CNTN1: variants seen among roughly 807,000 people sequenced by gnomAD.
CNTN1 encodes the protein contactin-1.
A neutral mutation model predicts 126.4 loss-of-function variants in CNTN1; 38 were observed. The observed-to-expected ratio is 0.30, with a 90% CI of 0.23 to 0.39. The LOEUF (loss-of-function observed/expected upper bound fraction) is 0.39. CNTN1 is among the 10% of genes least tolerant of loss of function. CNTN1 has a pLI of 1.00. For synonymous variants in CNTN1, 413 were observed against 422.6 expected (o/e 0.98, Z 0.28); for missense variants, 1,009 against 1,248.4 (o/e 0.81, Z 2.89).
chr12:40,922,278 G>A lies in CNTN1; in HGVS notation c.250G>A (p.Val84Ile), dbSNP rs758104125. Residue 84 changes from valine (V) to isoleucine (I), a missense_variant, in exon 5 of 24, where the codon GTT becomes ATT. By Grantham distance (29) the Val-to-Ile change is conservative. Coordinates refer to ENST00000551295, the MANE Select transcript of CNTN1 (RefSeq NM_001843.4). ...VYKWRMNNGD[V>I]DLTSDRYSMV... ...TAGATGGAGAATGAATAATGGGGAC[G>A]TTGATCTCACAAGTGATCGATACAG... is the stretch of plus-strand genomic sequence containing the variant. 12 of 1,613,932 alleles carry A rather than the reference G, an allele frequency of 7.4e-6. 1 individual carries two copies. In the South Asian group the frequency reaches 9.9e-5, roughly 13 times the overall value.
chr12:40,890,759 G>T (rs1944213844), intron 1 of CNTN1, among the ~76,000 whole-genome samples: 1 of 152,184 alleles, frequency 6.6e-6, no homozygotes, highest in Admixed American at 6.5e-5. Context: ...CTCTACTAAA[G>T]GATGGGTTTC....
At chr12:40,922,516 G>A in intron 5 of CNTN1, 88 bp downstream of exon 5, 5 of 1,254,168 alleles carry the variant, frequency 4.0e-6, no homozygotes, top group Non-Finnish European at 5.8e-6. Flanking sequence ...GTGAGAGGAA[G>A]GCATCATAGA....
At chr12:41,055,740 T>A (rs896743516) in intron 23 of CNTN1, among the ~76,000 whole-genome samples, 7 of 152,114 alleles carry the variant, frequency 4.6e-5, no homozygotes, top group Admixed American at 4.6e-4. Flanking sequence ...TTTAATCACA[T>A]TTAGATGGTT....
intron 17 of CNTN1, among the ~76,000 whole-genome samples, chr12:40,997,521 A>G (rs932631909): frequency 2.6e-5 from 4 of 152,222 alleles, no homozygotes; most frequent in African/African-American, 9.6e-5. Context: ...AAAATATTTT[A>G]TAGCTGGTAA....
At chr12:40,730,060 T>A (rs1207964761) in intron 1 of CNTN1, among the ~76,000 whole-genome samples, 1 of 152,202 alleles carries the variant, frequency 6.6e-6, no homozygotes, top group Non-Finnish European at 1.5e-5. Flanking sequence ...AGAACTTGTT[T>A]TGAGTCTAAA....
chr12:40,879,060 G>A (rs1399744322), intron 1 of CNTN1, among the ~76,000 whole-genome samples: 2 of 152,122 alleles, frequency 1.3e-5, no homozygotes, highest in South Asian at 4.1e-4. Context: ...ACATATCCCA[G>A]CCTTGGTTTA....
At chr12:40,929,062 G>A (rs1278507223) in intron 6 of CNTN1, among the ~76,000 whole-genome samples, 1 of 151,760 alleles carries the variant, frequency 6.6e-6, no homozygotes, top group Non-Finnish European at 1.5e-5. Flanking sequence ...TGTATTTGTT[G>A]AATGACTCCT....
chr12:40,779,843 G>C (rs1939724246), intron 1 of CNTN1, among the ~76,000 whole-genome samples: 1 of 151,978 alleles, frequency 6.6e-6, no homozygotes, highest in South Asian at 2.1e-4. Flanking sequence ...ATTTTAGCTA[G>C]ATTATGAAAG....
At chr12:41,007,543 G>C (rs528898498) in intron 17 of CNTN1, among the ~76,000 whole-genome samples, 1 of 152,276 alleles carries the variant, frequency 6.6e-6, no homozygotes, top group South Asian at 2.1e-4. Context: ...AAGAGAAACA[G>C]TTCTCTCTCT....
Position 40,949,204 on chromosome 12 carries a change from TTTTTTG to T in CNTN1, c.1683+5040_1683+5045del, listed in dbSNP as rs771162249. On this transcript the variant is annotated intron_variant, in intron 14 of 23. Transcript: ENST00000551295. ...ATAAAACAGAAGTCAATTTGTTTTT[TTTTTTG>T]TTTTTTTACAATTTAATCTTTTATT... 1.2e-3 allele frequency among the ~76,000 whole-genome samples: 101 copies of T among 86,456 alleles called. No homozygotes were observed. In the East Asian group the frequency reaches 0.016, roughly 14 times the overall value. 56.7% of individuals were successfully genotyped at this position (86,456 alleles called of 152,430 possible). A position where few individuals can be genotyped will look rare whatever the true frequency, so the allele number is the denominator to read the frequency against.
At chr12:40,816,138 T>A (rs1280557306) in intron 1 of CNTN1, among the ~76,000 whole-genome samples, 1 of 152,210 alleles carries the variant, frequency 6.6e-6, no homozygotes, top group African/African-American at 2.4e-5. Flanking sequence ...CTTCCTGCTT[T>A]TGGTATCAGG....
chr12:40,894,986 TA>T (rs1944357894), intron 1 of CNTN1, among the ~76,000 whole-genome samples: 1 of 152,202 alleles, frequency 6.6e-6, no homozygotes, highest in Non-Finnish European at 1.5e-5. Flanking sequence ...TTTTCTTTAA[TA>T]AATTTCCATA....
rs1380741126 is a variant in CNTN1 at position 41,069,979 on chromosome 12, A to C, written c.3001A>C (p.Ser1001Arg). 6.2e-7 allele frequency: 1 copy of C among 1,614,006 alleles called. No homozygotes were observed. Among genetic ancestry groups the C allele is most frequent in the Admixed American group, 1.7e-5 (1 of 60,012 alleles). ...KISGAPTLSP[S>R]LLGLLLPAFG... Reference sequence around the variant, plus strand: ...TGCAGGTGCACCCACCCTATCCCCAAGTCTTCTCGGCTTACTGCTGCCTGC... The same window carrying C: ...TGCAGGTGCACCCACCCTATCCCCACGTCTTCTCGGCTTACTGCTGCCTGC... Residue 1001 changes from serine (S) to arginine (R), a missense_variant, in exon 24 of 24, where the codon AGT (serine) becomes CGT (arginine). Transcript: ENST00000551295.
chr12:40,869,526 T>C (rs990907160), intron 1 of CNTN1, among the ~76,000 whole-genome samples: 3 of 152,108 alleles, frequency 2.0e-5, no homozygotes, highest in African/African-American at 7.2e-5. Context: ...CACTTCAGCC[T>C]CCCAAAGTGC....
At chr12:40,862,119 A>G (rs1329332052) in intron 1 of CNTN1, among the ~76,000 whole-genome samples, 1 of 151,514 alleles carries the variant, frequency 6.6e-6, no homozygotes, top group African/African-American at 2.4e-5. Flanking sequence ...TGGAACAATC[A>G]CTTGTGCCCA....
chr12:40,751,310 A>G (rs1400167853), intron 1 of CNTN1, among the ~76,000 whole-genome samples: 3 of 152,092 alleles, frequency 2.0e-5, no homozygotes, highest in Non-Finnish European at 4.4e-5. Context: ...AGTCAGAGGA[A>G]GTTTTATGTT....
rs186549568 is a variant in CNTN1 at position 40,919,786 on chromosome 12, G to C, written c.227+1015G>C. Among the ~76,000 whole-genome samples, 4 of 151,818 alleles carry C rather than the reference G, an allele frequency of 2.6e-5. No homozygotes were observed. In the South Asian group the frequency reaches 8.3e-4, roughly 31 times the overall value. On this transcript the variant is annotated intron_variant, in intron 4 of 23. Coordinates refer to ENST00000551295, the MANE Select transcript of CNTN1 (RefSeq NM_001843.4). Reference sequence around the variant, plus strand: ...CCATCCCATTGAAATTATTTTTATCGTTTCAATTTCATACATGGAAATATG... The same window carrying C: ...CCATCCCATTGAAATTATTTTTATCCTTTCAATTTCATACATGGAAATATG...
chr12:40,875,633 C>T (rs1447306055), intron 1 of CNTN1, among the ~76,000 whole-genome samples: 1 of 151,936 alleles, frequency 6.6e-6, no homozygotes, highest in Non-Finnish European at 1.5e-5. Context: ...TTGGGATTGA[C>T]CTTTTTTAAT....
intron 1 of CNTN1, among the ~76,000 whole-genome samples, chr12:40,800,185 C>T (rs962618945): frequency 1.1e-4 from 17 of 151,830 alleles, no homozygotes; most frequent in Middle Eastern, 3.2e-3. Flanking sequence ...TGAGTTCTCA[C>T]GACATCTGAT....
Sources: allele counts gnomAD v4.1 joint callset (sites outside exome capture counted in the v4.1 genomes callset), GRCh38; gene constraint gnomAD v4.1.1; transcripts MANE v1.5; gene names NCBI Gene and HGNC (gene_info 2026-07-23, HGNC 2026-07-21).